NCOR1: variants seen among roughly 807,000 people sequenced by gnomAD.
The protein encoded by NCOR1 is protein phosphatase 1, regulatory subunit 109.
In NCOR1, 63 loss-of-function variants were observed where a neutral mutation model predicts 288.1. The ratio of observed to expected loss-of-function variants is 0.22; its 90% CI spans 0.18 to 0.27. NCOR1 has a LOEUF of 0.27. Among genes scored for constraint, NCOR1 ranks in the 10% least tolerant of loss-of-function variants. NCOR1 has a pLI of 1.00. For missense variants in NCOR1, 2,397 were observed against 3,019.2 expected (o/e 0.79, Z 4.83); for synonymous variants, 1,007 against 1,065.9 (o/e 0.94, Z 1.08).
chr17:16,174,261 T>C (rs1417929036), intron 3 of NCOR1, among the ~76,000 whole-genome samples: 2 of 152,108 alleles, frequency 1.3e-5, no homozygotes, highest in Non-Finnish European at 2.9e-5. Context: ...AAGAACAAAG[T>C]TGGAAAACTC....
chr17:16,186,502 G>A lies in NCOR1; in HGVS notation c.242+52C>T. On this transcript the variant is annotated intron_variant, in intron 3 of 45. Coordinates refer to ENST00000268712, the MANE Select transcript of NCOR1 (RefSeq NM_006311.4). Reference sequence around the variant, plus strand: ...AAAAAAATAAAATAATGACAAACTTGTATACTTCACAATTATAATCCTAGA... The same window carrying A: ...AAAAAAATAAAATAATGACAAACTTATATACTTCACAATTATAATCCTAGA... 3.2e-6 allele frequency: 5 copies of A among 1,556,836 alleles called. No homozygotes were observed. In the South Asian group the frequency reaches 6.0e-5, roughly 19 times the overall value.
At chr17:16,057,438 A>G in intron 40 of NCOR1, 76 bp downstream of exon 40, 1 of 1,434,186 alleles carries the variant, frequency 7.0e-7, no homozygotes. Context: ...TGAGAAACAA[A>G]TTCCTTATCC....
intron 14 of NCOR1, 70 bp from the exon 15 acceptor site, chr17:16,126,276 T>G: frequency 1.4e-6 from 2 of 1,396,372 alleles, no homozygotes; most frequent in East Asian, 5.1e-5. Context: ...TGTGATAAAT[T>G]ATGTCTATCT....
Position 16,210,667 on chromosome 17 carries a change from T to C in NCOR1, c.-71+4695A>G, listed in dbSNP as rs1369224418. Among the ~76,000 whole-genome samples, 8 of 152,272 alleles carry C rather than the reference T, an allele frequency of 5.3e-5. No individual in the cohort carries two copies. The East Asian group carries it at 1.2e-3, about 22-fold the overall frequency. On this transcript the variant is annotated intron_variant, in intron 1 of 45. Coordinates refer to ENST00000268712, the MANE Select transcript of NCOR1 (RefSeq NM_006311.4). The stretch of plus-strand genomic sequence containing the variant: ...ATTGCCAAAATTTAATATTAAGAAG[T>C]ATCTTAAATTCAATACCTAAGCTAA...
In NCOR1 at chr17:16,064,889, G is replaced by A. The variant is rs2060951120; in HGVS notation, c.5082C>T (p.Asn1694=). Residue 1694 remains asparagine, a synonymous_variant, in exon 34 of 46, where the codon AAC becomes AAT. Transcript: ENST00000268712. The stretch of plus-strand genomic sequence containing the variant: ...TCTCACCTGGAGACATGGAAGCAGA[G>A]TTGTACGGCCTGGGAGGGAAAGTAA... ...TQITFPPRPY[N]SASMSPGHPT... is the part of the protein sequence containing the mutation. 6.2e-7 allele frequency: 1 copy of A among 1,612,564 alleles called. No homozygotes were observed. Among genetic ancestry groups the A allele is most frequent in the Non-Finnish European group, 8.5e-7 (1 of 1,179,120 alleles).
intron 1 of NCOR1, among the ~76,000 whole-genome samples, chr17:16,211,458 C>G (rs534635261): frequency 2.0e-5 from 3 of 152,106 alleles, no homozygotes; most frequent in Admixed American, 1.3e-4. Context: ...GTCTCAAACT[C>G]CTGGCCTCAA....
chr17:16,050,190 G>A (rs1473482643), intron 40 of NCOR1, among the ~76,000 whole-genome samples: 1 of 151,682 alleles, frequency 6.6e-6, no homozygotes, highest in Non-Finnish European at 1.5e-5. Context: ...CAAAAGTAAT[G>A]GGAATTACAA....
chr17:16,058,214 A>C (rs191111143), intron 38 of NCOR1, 150 bp from the exon 39 acceptor site: 3 of 986,594 alleles, frequency 3.0e-6, no homozygotes, highest in Admixed American at 3.0e-5. Flanking sequence ...GAAAAAAAAA[A>C]TTATTCACTG....
At chr17:16,164,525 G>A (rs1056213131) in intron 5 of NCOR1, among the ~76,000 whole-genome samples, 3 of 151,790 alleles carry the variant, frequency 2.0e-5, no homozygotes, top group Non-Finnish European at 4.4e-5. Flanking sequence ...CTGAAAAAAC[G>A]ATATCAAGCA....
intron 3 of NCOR1, among the ~76,000 whole-genome samples, chr17:16,174,057 T>G (rs1007129277): frequency 6.6e-6 from 1 of 152,220 alleles, no homozygotes; most frequent in Non-Finnish European, 1.5e-5. Flanking sequence ...AATAAAAGAC[T>G]TAATACATAG....
Position 16,127,323 on chromosome 17 carries a change from ATG to A in NCOR1, c.1510-1119_1510-1118del, listed in dbSNP as rs1358023546. Among the ~76,000 whole-genome samples, 59 of 95,064 alleles carry A rather than the reference ATG, an allele frequency of 6.2e-4. 19 individuals are homozygous for A. The highest frequency in any genetic ancestry group is 1.1e-3 in the Non-Finnish European group (45 of 42,072). The allele number at this position is 95,064 out of a possible 152,430, so 62.4% of individuals were successfully genotyped here. A position where few individuals can be genotyped will look rare whatever the true frequency, so the allele number is the denominator to read the frequency against. ...TATGTATATATACATGTATGTATAT[ATG>A]TATGTATATATACATGTATGTATAT... is the stretch of plus-strand genomic sequence containing the variant. On this transcript the variant is annotated intron_variant, in intron 14 of 45. Transcript: ENST00000268712.
chr17:16,034,941 C>A lies in NCOR1; in HGVS notation c.6959G>T (p.Gly2320Val), dbSNP rs1358218890. The A allele has an allele frequency of 3.1e-6, 5 of 1,613,102 alleles. No individual in the cohort carries two copies. The highest frequency in any genetic ancestry group is 4.2e-6 in the Non-Finnish European group (5 of 1,179,698). The change falls in exon 45 of 46, where the codon GGA becomes GTA. Residue 2320 changes from glycine (G) to valine (V), a missense_variant. Around this residue, in one of 11 missense-constraint regions of NCOR1, gnomAD observed 1,872 missense variants for 2,187.8 expected, o/e 0.86. Transcript: ENST00000268712. ...EEGDPSPHSG[G>V]VCKPKLISKS... ...GCTGATCAGCTTTGGTTTGCAAACT[C>A]CTCCTGAAAGTGAAATTCAAGTTAA...
chr17:16,089,420 T>G (rs1362279849), intron 22 of NCOR1, among the ~76,000 whole-genome samples: 1 of 152,158 alleles, frequency 6.6e-6, no homozygotes, highest in Admixed American at 6.5e-5. Flanking sequence ...TAAATGTTAC[T>G]GGTAAGTGAA....
chr17:16,044,691 C>T (rs1456400190), intron 42 of NCOR1: 14 of 681,438 alleles, frequency 2.1e-5, no homozygotes, highest in African/African-American at 3.6e-5. Flanking sequence ...GTGACCATCA[C>T]GGAGGATAAG....
chr17:16,173,377 T>C (rs1308554864), intron 3 of NCOR1, among the ~76,000 whole-genome samples: 5 of 152,190 alleles, frequency 3.3e-5, no homozygotes, highest in African/African-American at 1.2e-4. Flanking sequence ...TCACCATTTA[T>C]ATTCAATATG....
At chr17:16,208,039 T>C (rs1317709812) in intron 1 of NCOR1, among the ~76,000 whole-genome samples, 7 of 123,952 alleles carry the variant, frequency 5.6e-5, no homozygotes, top group East Asian at 4.3e-4. Flanking sequence ...TTCTTTCTTT[T>C]TTTTTTTTTT....
chr17:16,152,211 T>C (rs1008022965), intron 7 of NCOR1, among the ~76,000 whole-genome samples: 1 of 152,196 alleles, frequency 6.6e-6, no homozygotes, highest in Non-Finnish European at 1.5e-5. Flanking sequence ...ACGTGCAGGT[T>C]TGTTACATAT....
intron 18 of NCOR1, among the ~76,000 whole-genome samples, chr17:16,112,978 T>G (rs1048177157): frequency 4.6e-5 from 7 of 152,206 alleles, no homozygotes; most frequent in African/African-American, 1.7e-4. Flanking sequence ...TGGTGCGATC[T>G]CGGCTCACTG....
At chr17:16,127,720 T>TATATGTATATATGTGTGTGTATAC (rs2074947914) in intron 14 of NCOR1, among the ~76,000 whole-genome samples, 1 of 138,532 alleles carries the variant, frequency 7.2e-6, no homozygotes. Context: ...TGTGTATATA[T>TATATGTATATATGTGTGTGTATAC]ACATATATGT....
Sources: gnomAD v4.1 joint callset for allele counts (sites outside exome capture counted in the v4.1 genomes callset) on GRCh38, gnomAD v4.1.1 for gene constraint, gnomAD v4.1.1 regional missense constraint, MANE v1.5 for transcripts, NCBI Gene and HGNC (gene_info 2026-07-23, HGNC 2026-07-21) for gene names.